LRRC8C: variants seen among roughly 807,000 people sequenced by gnomAD.
LRRC8C encodes the protein leucine rich repeat containing 8 VRAC subunit C.
Under a neutral mutation model 55.3 loss-of-function variants are expected in LRRC8C, and 20 were observed. The ratio of observed to expected loss-of-function variants is 0.36; its 90% CI spans 0.25 to 0.53. The LOEUF (loss-of-function observed/expected upper bound fraction) is 0.53. Ranked by LOEUF, LRRC8C falls within the 20% of genes least tolerant of loss-of-function variation. The pLI, the probability that LRRC8C is intolerant of heterozygous loss-of-function variation, is 0.92. For missense variants in LRRC8C, 659 were observed against 951.4 expected, an observed-to-expected ratio of 0.69 and a Z score of 4.04; for synonymous variants, 376 against 360.7, an observed-to-expected ratio of 1.04 and a Z score of -0.48.
In LRRC8C at chr1:89,659,056, TTTTTTTGTGTGTG is replaced by T. The variant is rs1172901476; in HGVS notation, c.-5+25736_-5+25748del. Among the ~76,000 whole-genome samples the T allele has an allele frequency of 1.2e-3, 37 of 31,996 alleles. 2 individuals carry two copies. The highest frequency in any genetic ancestry group is 4.2e-3 in the East Asian group (4 of 952). The allele number at this position is 31,996 out of a possible 152,430, so 21.0% of individuals were successfully genotyped here. A position where few individuals can be genotyped will look rare whatever the true frequency, so the allele number is the denominator to read the frequency against. ...GGTTGTGTCTTCTCCAGGTTTTTTT[TTTTTTTGTGTGTG>T]TGTGTGTGTGTGTGTGTGTGTGTGT... is the stretch of plus-strand genomic sequence containing the variant. On this transcript the variant is annotated intron_variant, in intron 1 of 2. Coordinates refer to ENST00000370454, the MANE Select transcript of LRRC8C (RefSeq NM_032270.5).
At chr1:89,660,428 G>A (rs943001031) in intron 1 of LRRC8C, among the ~76,000 whole-genome samples, 26 of 152,248 alleles carry the variant, frequency 1.7e-4, no homozygotes, top group East Asian at 7.7e-4. Context: ...CAGCGGTTCT[G>A]ATTTAACTGC....
chr1:89,632,263 TGA>T (rs1244944718), upstream of LRRC8C: 2 of 152,198 alleles, frequency 1.3e-5, no homozygotes, highest in Non-Finnish European at 2.9e-5. Context: ...GATCAATCAA[TGA>T]GAGAGAACCC....
rs1287520408 is a variant in LRRC8C, at chr1:89,714,874, T to A, written c.2304T>A (p.Pro768=). ...DVKGNHFEIL[P]PELGDCRALK... is the part of the protein sequence containing the mutation. ...AAGGTAATCACTTTGAAATCCTCCC[T>A]CCTGAACTGGGTGACTGTCGGGCTC... Residue 768 remains proline (P), a synonymous_variant, in exon 3 of 3, where the codon CCT becomes CCA. Transcript: ENST00000370454. This position sits in a 1 kb window ranked among gnomAD's most constrained non-coding sequence, Gnocchi z 4.6. 1.2e-6 allele frequency: 2 copies of A among 1,614,164 alleles called. No homozygotes were observed. Among genetic ancestry groups the A allele is most frequent in the South Asian group, 1.1e-5 (1 of 91,090 alleles).
At chr1:89,692,059 A>G (rs1335623424) in intron 2 of LRRC8C, among the ~76,000 whole-genome samples, 1 of 152,240 alleles carries the variant, frequency 6.6e-6, no homozygotes, top group African/African-American at 2.4e-5. Flanking sequence ...CCATAGGGGA[A>G]GAATTTAAGC....
intron 1 of LRRC8C, among the ~76,000 whole-genome samples, chr1:89,675,184 C>CA (rs1211516311): frequency 6.6e-6 from 1 of 151,204 alleles, no homozygotes; most frequent in African/African-American, 2.4e-5. Context: ...GAGTTCAACT[C>CA]AAAAAAACAA....
intron 2 of LRRC8C, among the ~76,000 whole-genome samples, chr1:89,705,705 G>A (rs932998311): frequency 1.3e-5 from 2 of 151,958 alleles, no homozygotes; most frequent in African/African-American, 4.8e-5. Flanking sequence ...TCTTTAACCC[G>A]GGAGGTGGAG....
chr1:89,670,857 C>G (rs544098073), intron 1 of LRRC8C, among the ~76,000 whole-genome samples: 103 of 152,258 alleles, frequency 6.8e-4, no homozygotes, highest in African/African-American at 2.3e-3. Context: ...CCCTGTTTGT[C>G]TCTGGCATGT....
intron 2 of LRRC8C, among the ~76,000 whole-genome samples, chr1:89,688,447 C>G (rs1205881060): frequency 6.6e-6 from 1 of 152,076 alleles, no homozygotes; most frequent in Admixed American, 6.5e-5. Flanking sequence ...AAAAATAAAG[C>G]ATGCCAAGAT....
chr1:89,694,541 C>T (rs1465036213), intron 2 of LRRC8C, among the ~76,000 whole-genome samples: 1 of 150,824 alleles, frequency 6.6e-6, no homozygotes, highest in African/African-American at 2.4e-5. Flanking sequence ...GCCTCAGCTT[C>T]CTGAGTAGCT....
intron 2 of LRRC8C, among the ~76,000 whole-genome samples, chr1:89,690,941 A>G (rs1658011938): frequency 1.3e-5 from 2 of 152,344 alleles, no homozygotes; most frequent in Admixed American, 6.5e-5. Context: ...TTGACTGGGT[A>G]CAAGAAGTGT....
chr1:89,712,006 T>C (rs1658662198), intron 2 of LRRC8C, among the ~76,000 whole-genome samples: 2 of 152,240 alleles, frequency 1.3e-5, no homozygotes, highest in African/African-American at 4.8e-5. Flanking sequence ...CTGCTTCTCA[T>C]ACACAGACTG....
At chr1:89,661,473 C>T in intron 1 of LRRC8C, 1 of 193,606 alleles carries the variant, frequency 5.2e-6, no homozygotes, top group South Asian at 1.0e-4. Flanking sequence ...CTGAAGAGGC[C>T]TCCGATTGGA....
chr1:89,682,049 C>T (rs534279497), intron 1 of LRRC8C, among the ~76,000 whole-genome samples: 1 of 152,188 alleles, frequency 6.6e-6, no homozygotes, highest in South Asian at 2.1e-4. Flanking sequence ...TGGTGGCAGG[C>T]GCCTGCAGTC....
At chr1:89,691,908 T>A (rs1328686437) in intron 2 of LRRC8C, among the ~76,000 whole-genome samples, 1 of 152,178 alleles carries the variant, frequency 6.6e-6, no homozygotes, top group African/African-American at 2.4e-5. Context: ...TAAATTAAAA[T>A]TTTAAGGGGC....
At chr1:89,642,288 A>C (rs1391794239) in intron 1 of LRRC8C, among the ~76,000 whole-genome samples, 1 of 152,234 alleles carries the variant, frequency 6.6e-6, no homozygotes, top group Non-Finnish European at 1.5e-5. Flanking sequence ...TAGATACCAG[A>C]CTAGTATCCA....
At chr1:89,623,181 CAT>C in the LRRC8C span, among the ~76,000 whole-genome samples, 39 of 137,656 alleles carry the variant, frequency 2.8e-4, 1 homozygote, top group East Asian at 7.9e-4. Flanking sequence ...CACACACACA[CAT>C]GCGCACACAC....
At chr1:89,642,355 AG>A (rs1223575265) in intron 1 of LRRC8C, among the ~76,000 whole-genome samples, 12 of 152,344 alleles carry the variant, frequency 7.9e-5, no homozygotes, top group African/African-American at 2.6e-4. Context: ...GTACCTTAAT[AG>A]GATTTTCATG....
At chr1:89,646,546 G>A (rs551280443) in intron 1 of LRRC8C, among the ~76,000 whole-genome samples, 117 of 152,016 alleles carry the variant, frequency 7.7e-4, no homozygotes, top group Non-Finnish European at 1.3e-3. Flanking sequence ...TATTATTTCA[G>A]TAGATGCATT....
intron 1 of LRRC8C, among the ~76,000 whole-genome samples, chr1:89,639,343 A>T (rs118062173): frequency 6.6e-6 from 1 of 152,002 alleles, no homozygotes; most frequent in East Asian, 1.9e-4. Flanking sequence ...AGTTCACAAC[A>T]AGTAGATCTG....
Sources: allele counts gnomAD v4.1 joint callset (sites outside exome capture counted in the v4.1 genomes callset), GRCh38; gene constraint gnomAD v4.1.1; non-coding constraint Gnocchi (gnomAD v3.1); transcripts MANE v1.5; gene names NCBI Gene and HGNC (gene_info 2026-07-23, HGNC 2026-07-21).